Variants in PLCB4 observed in about 807,000 individuals in gnomAD.
PLCB4 encodes the protein phospholipase C beta 4.
A neutral mutation model predicts 178.8 loss-of-function variants in PLCB4; 77 were observed. That is an observed-to-expected ratio of 0.43 (90% CI 0.36 to 0.52). PLCB4 has a LOEUF of 0.52. PLCB4 is among the 20% of genes least tolerant of loss of function. The pLI is 0.00. For missense variants in PLCB4, 1,024 were observed against 1,453.4 expected (o/e 0.70, Z 4.80); for synonymous variants, 496 against 490.8 (o/e 1.01, Z -0.14).
At chr20:9,268,428 C>T (rs948622754) in intron 3 of PLCB4, among the ~76,000 whole-genome samples, 6 of 152,190 alleles carry the variant, frequency 3.9e-5, no homozygotes. Flanking sequence ...TTCAAAGTAT[C>T]TCAAGTAAAT....
intron 3 of PLCB4, among the ~76,000 whole-genome samples, chr20:9,302,613 A>C (rs1198823728): frequency 1.3e-5 from 2 of 152,168 alleles, no homozygotes; most frequent in Non-Finnish European, 2.9e-5. Flanking sequence ...AGGAATAAGC[A>C]ATGAAATGAA....
chr20:9,462,663 A>G (rs1034662270), intron 35 of PLCB4, among the ~76,000 whole-genome samples: 1 of 152,244 alleles, frequency 6.6e-6, no homozygotes, highest in African/African-American at 2.4e-5. Context: ...AAGAAAGGGT[A>G]TCAGTGATTG....
intron 2 of PLCB4, among the ~76,000 whole-genome samples, chr20:9,173,440 A>C (rs1163997759): frequency 1.3e-5 from 2 of 152,204 alleles, no homozygotes; most frequent in Non-Finnish European, 2.9e-5. Flanking sequence ...CATCTGAATT[A>C]GTTTCCTGTT....
At chr20:9,155,582 C>T (rs911322941) in intron 2 of PLCB4, among the ~76,000 whole-genome samples, 9 of 152,114 alleles carry the variant, frequency 5.9e-5, no homozygotes, top group African/African-American at 2.2e-4. Context: ...TCCACAAACT[C>T]ACCCAGTTAA....
At chr20:9,422,024 G>A (rs2040680221) in intron 27 of PLCB4, among the ~76,000 whole-genome samples, 1 of 152,162 alleles carries the variant, frequency 6.6e-6, no homozygotes, top group Admixed American at 6.5e-5. Flanking sequence ...ACGTTCGGTT[G>A]TTAATCTCTT....
intron 35 of PLCB4, among the ~76,000 whole-genome samples, chr20:9,465,916 C>A (rs1347498472): frequency 6.6e-6 from 1 of 152,088 alleles, no homozygotes; most frequent in African/African-American, 2.4e-5. Flanking sequence ...ACTTTCTTCA[C>A]AGAATTGGAA....
intron 3 of PLCB4, among the ~76,000 whole-genome samples, chr20:9,220,703 T>A (rs1459303059): frequency 6.6e-6 from 1 of 152,216 alleles, no homozygotes; most frequent in Non-Finnish European, 1.5e-5. Flanking sequence ...CTCACCAAAC[T>A]TAATGTTGAC....
intron 2 of PLCB4, among the ~76,000 whole-genome samples, chr20:9,156,280 G>C (rs1489445880): frequency 6.6e-6 from 1 of 152,088 alleles, no homozygotes; most frequent in South Asian, 2.1e-4. Context: ...GAGAAGTCAC[G>C]TACAGGTCAC....
chr20:9,265,356 G>A (rs114912243), intron 3 of PLCB4, among the ~76,000 whole-genome samples: 40 of 152,150 alleles, frequency 2.6e-4, no homozygotes, highest in African/African-American at 8.2e-4. Flanking sequence ...GTTGCCACAC[G>A]CCTGTAATCC....
chr20:9,331,257 TGTATCTGTCCA>T (rs60583648), intron 4 of PLCB4, among the ~76,000 whole-genome samples: 7,384 of 152,288 alleles, frequency 0.048, 486 homozygotes, highest in East Asian at 0.28. Context: ...TACGTCCTAA[TGTATCTGTCCA>T]GTGACAAACA....
chr20:9,116,969 CTG>C (rs1324698698), intron 2 of PLCB4, among the ~76,000 whole-genome samples: 1 of 152,122 alleles, frequency 6.6e-6, no homozygotes, highest in Admixed American at 6.5e-5. Context: ...ATTTTTAAAA[CTG>C]AATTTTCTAA....
At chr20:9,136,695 C>T (rs539533373) in intron 2 of PLCB4, among the ~76,000 whole-genome samples, 4 of 152,136 alleles carry the variant, frequency 2.6e-5, no homozygotes, top group African/African-American at 4.8e-5. Context: ...ATATTCTACA[C>T]ACAGTCGATT....
chr20:9,305,991 C>T (rs537294673), intron 3 of PLCB4, among the ~76,000 whole-genome samples: 35 of 152,106 alleles, frequency 2.3e-4, no homozygotes, highest in Non-Finnish European at 3.7e-4. Flanking sequence ...CCCATTTATA[C>T]TACGTGGAAT....
At chr20:9,402,156 G>C (rs2039076464) in intron 20 of PLCB4, among the ~76,000 whole-genome samples, 1 of 152,174 alleles carries the variant, frequency 6.6e-6, no homozygotes, top group South Asian at 2.1e-4. Context: ...TGTAGTTTAG[G>C]GAAAGGGATC....
chr20:9,324,507 T>C (rs2030079667), intron 4 of PLCB4, among the ~76,000 whole-genome samples: 1 of 152,144 alleles, frequency 6.6e-6, no homozygotes, highest in African/African-American at 2.4e-5. Context: ...GGGGAAATAA[T>C]ATGAAAAATA....
intron 12 of PLCB4, among the ~76,000 whole-genome samples, chr20:9,374,236 A>AGAGG (rs1176439522): frequency 6.6e-6 from 1 of 152,206 alleles, no homozygotes; most frequent in African/African-American, 2.4e-5. Context: ...CATATCAGAC[A>AGAGG]GATGCCTCTA....
chr20:9,279,592 T>C (rs1032484633), intron 3 of PLCB4, among the ~76,000 whole-genome samples: 27 of 152,032 alleles, frequency 1.8e-4, no homozygotes, highest in Admixed American at 5.2e-4. Context: ...ATATGAAAGA[T>C]ATTTTATAGG....
intron 7 of PLCB4, among the ~76,000 whole-genome samples, chr20:9,353,951 T>G (rs1379654760): frequency 6.6e-6 from 1 of 152,214 alleles, no homozygotes; most frequent in Non-Finnish European, 1.5e-5. Flanking sequence ...CTGAATCATC[T>G]GGTAAGAGTT....
chr20:9,312,766 G>A (rs2094851777), intron 4 of PLCB4, among the ~76,000 whole-genome samples: 1 of 152,184 alleles, frequency 6.6e-6, no homozygotes, highest in African/African-American at 2.4e-5. Context: ...AGCACTTGAG[G>A]AAGAGAATTT....
Sources: allele counts gnomAD v4.1 joint callset (sites outside exome capture counted in the v4.1 genomes callset), GRCh38; gene constraint gnomAD v4.1.1; transcripts MANE v1.5; gene names NCBI Gene and HGNC (gene_info 2026-07-23, HGNC 2026-07-21).